RHBDD1: variants seen among roughly 807,000 people sequenced by gnomAD.
RHBDD1 encodes the protein rhomboid-related protein 4.
Under a neutral mutation model 36.3 loss-of-function variants are expected in RHBDD1, and 38 were observed. The observed-to-expected ratio is 1.05, with a 90% CI of 0.81 to 1.37. The LOEUF (loss-of-function observed/expected upper bound fraction) is 1.37, where lower values mean the gene tolerates loss of function less well. RHBDD1 is among the 40% of genes most tolerant of loss of function. RHBDD1 has a pLI of 0.00. For missense variants in RHBDD1, 393 were observed against 377.6 expected (o/e 1.04, Z -0.34); for synonymous variants, 151 against 136.5 (o/e 1.11, Z -0.74).
chr2:226,895,473 G>A (rs930355736), intron 5 of RHBDD1, among the ~76,000 whole-genome samples: 8 of 152,194 alleles, frequency 5.3e-5, no homozygotes, highest in Non-Finnish European at 1.2e-4. Flanking sequence ...AAGATACAGG[G>A]TAGGGAACTC....
At chr2:226,883,540 T>C (rs1945955936) in intron 5 of RHBDD1, among the ~76,000 whole-genome samples, 1 of 152,180 alleles carries the variant, frequency 6.6e-6, no homozygotes, top group African/African-American at 2.4e-5. Context: ...TTGAACAGTG[T>C]TATCTGGAAT....
intron 8 of RHBDD1, among the ~76,000 whole-genome samples, chr2:226,943,628 T>C (rs1044246855): frequency 2.1e-5 from 3 of 143,536 alleles, no homozygotes. Flanking sequence ...TTAAATAAGC[T>C]GGGTCTCTGG....
intron 8 of RHBDD1, among the ~76,000 whole-genome samples, chr2:226,916,588 A>G (rs769746153): frequency 3.3e-5 from 5 of 152,190 alleles, no homozygotes; most frequent in Non-Finnish European, 7.3e-5. Flanking sequence ...CATGATAGGA[A>G]AGATTTGGAC....
intron 8 of RHBDD1, among the ~76,000 whole-genome samples, chr2:226,968,291 G>A (rs1168262288): frequency 6.6e-6 from 1 of 152,196 alleles, no homozygotes; most frequent in Admixed American, 6.5e-5. Context: ...TTGCAAGGAA[G>A]TGCCTATGTG....
At chr2:226,867,690 T>A (rs565470647) in intron 5 of RHBDD1, 2 of 959,994 alleles carry the variant, frequency 2.1e-6, no homozygotes, top group Non-Finnish European at 2.5e-6. Flanking sequence ...AGCTATAAGG[T>A]ATGTTGATCT....
chr2:226,896,288 T>C (rs1405527801), intron 5 of RHBDD1, among the ~76,000 whole-genome samples: 1 of 152,202 alleles, frequency 6.6e-6, no homozygotes, highest in Non-Finnish European at 1.5e-5. Context: ...TTCCCAATCT[T>C]CTGCATCTCA....
intron 8 of RHBDD1, among the ~76,000 whole-genome samples, chr2:226,972,446 A>G (rs895861486): frequency 3.9e-5 from 6 of 152,184 alleles, no homozygotes; most frequent in African/African-American, 2.4e-5. Flanking sequence ...CAGCCCTGCT[A>G]TGCCCCCTGG....
intron 8 of RHBDD1, among the ~76,000 whole-genome samples, chr2:226,988,997 C>T (rs1234195867): frequency 6.6e-6 from 1 of 152,202 alleles, no homozygotes; most frequent in African/African-American, 2.4e-5. Context: ...GTCTCCAAGT[C>T]GTAATTGAGG....
chr2:226,883,892 C>T (rs1050552087), intron 5 of RHBDD1, among the ~76,000 whole-genome samples: 4 of 152,248 alleles, frequency 2.6e-5, no homozygotes, highest in South Asian at 4.1e-4. Context: ...AAGTTAATTA[C>T]AAATGTAGCA....
the RHBDD1 span, among the ~76,000 whole-genome samples, chr2:226,818,911 C>A: frequency 6.6e-6 from 1 of 152,166 alleles, no homozygotes; most frequent in African/African-American, 2.4e-5. Context: ...ATGATTTCTA[C>A]AAGACCTCAG....
At chr2:226,896,543 A>G (rs1170141798) in intron 5 of RHBDD1, among the ~76,000 whole-genome samples, 1 of 152,140 alleles carries the variant, frequency 6.6e-6, no homozygotes, top group Non-Finnish European at 1.5e-5. Context: ...TTTTACCGGG[A>G]CTACATTATT....
intron 8 of RHBDD1, among the ~76,000 whole-genome samples, chr2:226,922,037 T>G (rs1017829069): frequency 2.0e-5 from 3 of 152,060 alleles, no homozygotes; most frequent in Non-Finnish European, 2.9e-5. Flanking sequence ...GCATATATAA[T>G]TATAATTAAT....
intron 8 of RHBDD1, among the ~76,000 whole-genome samples, chr2:226,961,091 C>T (rs1406121979): frequency 6.6e-6 from 1 of 152,170 alleles, no homozygotes; most frequent in Non-Finnish European, 1.5e-5. Flanking sequence ...GTATTCCCCT[C>T]AGTCTGTGAT....
chr2:226,898,186 G>T (rs941026113), intron 5 of RHBDD1, among the ~76,000 whole-genome samples: 3 of 152,148 alleles, frequency 2.0e-5, no homozygotes, highest in Admixed American at 2.0e-4. Context: ...TTTTGGAGGG[G>T]ACAAACCTCA....
At chr2:226,870,614 A>C (rs1221231260) in intron 5 of RHBDD1, among the ~76,000 whole-genome samples, 2 of 152,184 alleles carry the variant, frequency 1.3e-5, no homozygotes, top group African/African-American at 4.8e-5. Flanking sequence ...TTGAAAATTC[A>C]TATATAATTT....
intron 8 of RHBDD1, among the ~76,000 whole-genome samples, chr2:226,977,565 C>A (rs1024788071): frequency 1.3e-5 from 2 of 152,140 alleles, no homozygotes; most frequent in African/African-American, 4.8e-5. Flanking sequence ...CAATGGTGAA[C>A]CGTGAAACAC....
chr2:226,946,050 C>A lies in RHBDD1; in HGVS notation c.856+31699C>A, dbSNP rs186443469. Among the ~76,000 whole-genome samples the A allele has an allele frequency of 2.0e-5, 3 of 152,142 alleles. No homozygotes were observed. In the East Asian group the frequency reaches 5.8e-4, roughly 29 times the overall value. ...TTCCTCATAGACTCTGGATATTAGC[C>A]CTTTGTCAGATGGATAGATTGCAAA... is the stretch of plus-strand genomic sequence containing the variant. On this transcript the variant is annotated intron_variant, in intron 8 of 8. Coordinates refer to ENST00000392062, the MANE Select transcript of RHBDD1 (RefSeq NM_001167608.3).
At chr2:226,851,882 T>C (rs973900362) in intron 3 of RHBDD1, among the ~76,000 whole-genome samples, 2 of 152,226 alleles carry the variant, frequency 1.3e-5, no homozygotes, top group Non-Finnish European at 1.5e-5. Flanking sequence ...CAACAGCCAG[T>C]CGTCAGTGTA....
intron 4 of RHBDD1, among the ~76,000 whole-genome samples, chr2:226,866,284 A>G (rs1944331090): frequency 6.6e-6 from 1 of 152,068 alleles, no homozygotes; most frequent in Admixed American, 6.5e-5. Context: ...GCTGGCCAGG[A>G]TGGTCTCTAT....
Sources: gnomAD v4.1 joint callset for allele counts (sites outside exome capture counted in the v4.1 genomes callset) on GRCh38, gnomAD v4.1.1 for gene constraint, MANE v1.5 for transcripts, NCBI Gene and HGNC (gene_info 2026-07-23, HGNC 2026-07-21) for gene names.